Variants in KALRN observed in about 807,000 individuals in gnomAD.
The protein encoded by KALRN is kalirin RhoGEF kinase.
In KALRN, 70 loss-of-function variants were observed where a neutral mutation model predicts 353.7. That is an observed-to-expected ratio of 0.20 (90% CI 0.16 to 0.24). The LOEUF (loss-of-function observed/expected upper bound fraction) is 0.24. Among genes scored for constraint, KALRN ranks in the 10% least tolerant of loss-of-function variants. KALRN has a pLI of 1.00. For synonymous variants in KALRN, 1,391 were observed against 1,434.8 expected, an observed-to-expected ratio of 0.97 and a Z score of 0.69; for missense variants, 2,791 against 3,756.7, an observed-to-expected ratio of 0.74 and a Z score of 6.72.
rs2079558380 is a variant in KALRN at position 124,234,809 on chromosome 3, T to C, written c.149-20T>C. 1 of 1,555,798 alleles carries C rather than the reference T, an allele frequency of 6.4e-7. No homozygotes were observed. Among genetic ancestry groups the C allele is most frequent in the African/African-American group, 1.4e-5 (1 of 73,384 alleles). ...TCTGACTGGTTTTCTTAAACACTCTTCTCTTCCTCCTTCTTGCAGGGGGTC... is the reference window on the plus strand; with the variant it reads ...TCTGACTGGTTTTCTTAAACACTCTCCTCTTCCTCCTTCTTGCAGGGGGTC... On this transcript the variant is annotated intron_variant, in intron 2 of 59. Coordinates refer to ENST00000682506, the MANE Select transcript of KALRN (RefSeq NM_001388419.1).
At chr3:124,698,508 G>A (rs1385584852) in intron 55 of KALRN, among the ~76,000 whole-genome samples, 1 of 152,200 alleles carries the variant, frequency 6.6e-6, no homozygotes, top group Non-Finnish European at 1.5e-5. Flanking sequence ...GTTTCAAGGT[G>A]TCTTCATGCA....
intron 6 of KALRN, among the ~76,000 whole-genome samples, chr3:124,325,204 A>C (rs183053372): frequency 2.6e-5 from 4 of 152,368 alleles, no homozygotes; most frequent in Admixed American, 6.5e-5. Context: ...TAAACAAAAC[A>C]CAAGATGACA....
intron 34 of KALRN, among the ~76,000 whole-genome samples, chr3:124,582,179 C>A (rs894920798): frequency 2.6e-5 from 4 of 152,118 alleles, no homozygotes; most frequent in African/African-American, 9.7e-5. Context: ...CATCACCATG[C>A]CCAGTTAATT....
chr3:124,262,377 A>C (rs2073003426), intron 3 of KALRN, among the ~76,000 whole-genome samples: 1 of 152,232 alleles, frequency 6.6e-6, no homozygotes, highest in Admixed American at 6.5e-5. Context: ...ATCTTTGACT[A>C]CTTCAACTTT....
intron 5 of KALRN, among the ~76,000 whole-genome samples, chr3:124,286,082 C>CCTTCCTTCCTTTCTTTCTTTCTTT (rs1553893895): frequency 5.7e-4 from 58 of 102,250 alleles, no homozygotes; most frequent in Admixed American, 5.7e-4. Context: ...TTCTTTCCTT[C>CCTTCCTTCCTTTCTTTCTTTCTTT]CTTTCTTTCT....
chr3:124,232,445 C>T (rs1202488493), intron 2 of KALRN, among the ~76,000 whole-genome samples: 5 of 152,204 alleles, frequency 3.3e-5, no homozygotes, highest in Admixed American at 3.3e-4. Flanking sequence ...TCCCTCTCCA[C>T]CACGTATCTC....
chr3:124,192,236 C>G (rs180755427), intron 1 of KALRN, among the ~76,000 whole-genome samples: 1 of 152,184 alleles, frequency 6.6e-6, no homozygotes, highest in Non-Finnish European at 1.5e-5. Flanking sequence ...ATGGATGGAA[C>G]TGGAGGCCAT....
chr3:124,415,961 G>T (rs2092470827), intron 14 of KALRN, among the ~76,000 whole-genome samples: 2 of 152,178 alleles, frequency 1.3e-5, no homozygotes, highest in African/African-American at 4.8e-5. Context: ...ACCTTATTAG[G>T]GAAGTAGGGG....
At position 124,335,897 on chromosome 3, in the gene KALRN, G is replaced by C. The variant is rs3755656; in HGVS notation, c.1647+1402G>C. On this transcript the variant is annotated intron_variant, in intron 9 of 59. Coordinates refer to ENST00000682506, the MANE Select transcript of KALRN (RefSeq NM_001388419.1). ...TAATCCATTGTATATTTCCAGTGTA[G>C]TGAAATACACATGGAAAATTGAGAG... Among the ~76,000 whole-genome samples, 2,113 of 152,206 alleles carry C rather than the reference G, an allele frequency of 0.014. 89 individuals carry two copies. The East Asian group carries it at 0.15, about 11-fold the overall frequency.
chr3:124,087,674 G>A (rs528953720), intron 1 of KALRN, among the ~76,000 whole-genome samples: 1 of 152,176 alleles, frequency 6.6e-6, no homozygotes, highest in East Asian at 1.9e-4. Context: ...TGTCTTTTGG[G>A]GTGCTGGGAT....
chr3:124,257,702 T>C (rs1185601649), intron 3 of KALRN, among the ~76,000 whole-genome samples: 1 of 152,166 alleles, frequency 6.6e-6, no homozygotes, highest in Non-Finnish European at 1.5e-5. Flanking sequence ...TGGGAAACTA[T>C]AGGGCAGGGT....
chr3:124,152,092 T>C, intron 1 of KALRN: 1 of 1,273,552 alleles, frequency 7.9e-7, no homozygotes, highest in Non-Finnish European at 1.1e-6. Context: ...GGAAGTTATT[T>C]GCTTCTTTGA....
intron 3 of KALRN, among the ~76,000 whole-genome samples, chr3:124,239,002 T>G (rs2080114923): frequency 6.6e-6 from 1 of 152,184 alleles, no homozygotes; most frequent in Admixed American, 6.5e-5. Context: ...CAACAAATAT[T>G]TACTGAGTGT....
At chr3:124,144,619 CCTCCTCCTCTTCCTCA>C (rs2067083295) in intron 1 of KALRN, among the ~76,000 whole-genome samples, 22 of 85,342 alleles carry the variant, frequency 2.6e-4, no homozygotes, top group East Asian at 1.8e-3. Flanking sequence ...TCTTCCTCAT[CCTCCTCCTCTTCCTCA>C]TCCTCCTCCT....
chr3:124,174,956 C>T (rs2150142801), intron 1 of KALRN, among the ~76,000 whole-genome samples: 1 of 152,320 alleles, frequency 6.6e-6, no homozygotes, highest in Admixed American at 6.5e-5. Context: ...TCTTTAATGC[C>T]TGGTCAGTCC....
chr3:124,268,614 A>G, intron 4 of KALRN, 129 bp from the exon 5 acceptor site: 2 of 946,508 alleles, frequency 2.1e-6, no homozygotes, highest in Non-Finnish European at 3.2e-6. Context: ...CATGGCCTCC[A>G]CTCACCATTT....
At chr3:124,217,523 C>T (rs527843967) in intron 1 of KALRN, among the ~76,000 whole-genome samples, 55 of 152,270 alleles carry the variant, frequency 3.6e-4, no homozygotes, top group African/African-American at 1.3e-3. Context: ...ACCACAATAA[C>T]TTGAAAACAA....
At chr3:124,289,369 T>A (rs1469053464) in intron 5 of KALRN, among the ~76,000 whole-genome samples, 1 of 152,088 alleles carries the variant, frequency 6.6e-6, no homozygotes, top group Non-Finnish European at 1.5e-5. Flanking sequence ...GGGGAGACCA[T>A]TTAATGGTTT....
intron 1 of KALRN, among the ~76,000 whole-genome samples, chr3:124,044,884 TC>T (rs1283681512): frequency 0.077 from 2,132 of 27,688 alleles, 145 homozygotes; most frequent in East Asian, 0.18. Context: ...CTTCCTTCCT[TC>T]CTTCCTTCCT....
Sources: allele counts gnomAD v4.1 joint callset (sites outside exome capture counted in the v4.1 genomes callset), GRCh38; gene constraint gnomAD v4.1.1; transcripts MANE v1.5; gene names NCBI Gene and HGNC (gene_info 2026-07-23, HGNC 2026-07-21).